IPO7: variants seen among roughly 807,000 people sequenced by gnomAD.
IPO7 encodes the protein importin 7, also known as importin-7.
Under a neutral mutation model 136.4 loss-of-function variants are expected in IPO7, and 13 were observed. That is an observed-to-expected ratio of 0.10 (90% CI 0.06 to 0.15). The LOEUF is 0.15. Among genes scored for constraint, IPO7 ranks in the 10% least tolerant of loss-of-function variants. IPO7 has a pLI of 1.00. For synonymous variants in IPO7, 403 were observed against 404.4 expected (o/e 1.00, Z 0.04); for missense variants, 857 against 1,240.6 (o/e 0.69, Z 4.65).
chr11:9,441,362 T>A (rs1855457619), intron 23 of IPO7, among the ~76,000 whole-genome samples: 1 of 152,212 alleles, frequency 6.6e-6, no homozygotes, highest in Non-Finnish European at 1.5e-5. Flanking sequence ...AGGTATAGCA[T>A]TTGTGTTTTA....
chr11:9,445,019 CTTGT>C lies in IPO7; in HGVS notation c.3020-75_3020-72del, dbSNP rs1855509685. On this transcript the variant is annotated intron_variant, in intron 24 of 24. Coordinates refer to ENST00000379719, the MANE Select transcript of IPO7 (RefSeq NM_006391.3). ...CCACTAATGATGGTTAAGCTACTGG[CTTGT>C]TTAATGTTTTGTCAGTTTCTCACCA... 6 of 893,520 alleles carry C rather than the reference CTTGT, an allele frequency of 6.7e-6. No homozygotes were observed. The Admixed American group carries it at 1.1e-4, about 16-fold the overall frequency. The allele number at this position is 893,520 out of a possible 1,614,324, so 55.3% of individuals were successfully genotyped here.
chr11:9,419,859 A>G lies in IPO7; in HGVS notation c.727-552A>G, dbSNP rs115720337. Among the ~76,000 whole-genome samples, 191 of 152,226 alleles carry G rather than the reference A, an allele frequency of 1.3e-3. 1 individual carries two copies. The highest frequency in any genetic ancestry group is 4.4e-3 in the African/African-American group (183 of 41,554). ...ATATACTGATTTTGATTAAGCTACA[A>G]TTGTCGTGGCCTTGACTATACTATT... On this transcript the variant is annotated intron_variant, in intron 6 of 24. Transcript: ENST00000379719.
Position 9,417,099 on chromosome 11 carries a change from C to G in IPO7, c.677C>G (p.Thr226Arg), listed in dbSNP as rs767802497. Residue 226 changes from threonine (T) to arginine (R), a missense_variant, in exon 6 of 25, where the codon ACA becomes AGA. Thr to Arg is a moderately conservative substitution (Grantham distance 71). Transcript: ENST00000379719. ...GAACTGATAAACCAACAGAACCTGA[C>G]AGAATGGATAGAAATTTTAAAGACT... Reference protein sequence around the residue: ...PLELINQQNLTEWIEILKTVV... With the variant: ...PLELINQQNLREWIEILKTVV... 179 of 1,570,152 alleles carry G rather than the reference C, an allele frequency of 1.1e-4. 1 individual carries two copies. The Admixed American group carries it at 3.0e-3, about 26-fold the overall frequency.
At chr11:9,429,567 C>A in intron 14 of IPO7, 107 bp from the exon 15 acceptor site, 1 of 743,388 alleles carries the variant, frequency 1.3e-6, no homozygotes. Context: ...TGGCATACTT[C>A]CTTTTTATGT....
intron 13 of IPO7, 75 bp downstream of exon 13, chr11:9,428,704 T>A (rs1453119185): frequency 2.3e-6 from 2 of 852,834 alleles, no homozygotes; most frequent in Non-Finnish European, 4.1e-6. Context: ...ATATTGAAAC[T>A]TTTAAATGTT....
rs1325150354 is a variant in IPO7 at position 9,428,578 on chromosome 11, G to A, written c.1374G>A (p.Gln458=). The A allele has an allele frequency of 6.4e-7, 1 of 1,574,458 alleles. No homozygotes were observed. The highest frequency in any genetic ancestry group is 8.7e-7 in the Non-Finnish European group (1 of 1,148,982). Residue 458 remains glutamine (Q), a synonymous_variant, in exon 13 of 25, where the codon CAG becomes CAA. Transcript: ENST00000379719. The part of the protein sequence containing the change: ...IYKDQMEYML[Q]NHVFPLFSSE... ...AAGATCAGATGGAATACATGTTGCA[G>A]AATCATGTATTCCCTCTCTTCAGCA... is the stretch of plus-strand genomic sequence containing the variant.
In IPO7 at chr11:9,437,802, G is replaced by A. The variant is rs1193829202; in HGVS notation, c.2317G>A (p.Val773Ile). The A allele has an allele frequency of 1.9e-6, 3 of 1,614,128 alleles. No individual in the cohort carries two copies. The highest frequency in any genetic ancestry group is 2.2e-5 in the South Asian group (2 of 91,084). ...EAALERLTRE[V>I]KTSELRTMCL... is the part of the protein sequence containing the mutation. ...AGCCTTAGAAAGACTGACAAGAGAG[G>A]TTAAGACAAGTGAACTTCGAACTAT... The change falls in exon 21 of 25, where the codon GTT becomes ATT. Residue 773 changes from valine to isoleucine, a missense_variant. Coordinates refer to ENST00000379719, the MANE Select transcript of IPO7 (RefSeq NM_006391.3).
intron 6 of IPO7, among the ~76,000 whole-genome samples, chr11:9,419,156 C>G (rs967669470): frequency 1.3e-5 from 2 of 152,128 alleles, no homozygotes; most frequent in Non-Finnish European, 2.9e-5. Context: ...TTTTACTTTA[C>G]AAGTAACTTC....
chr11:9,440,093 A>G (rs1445662461), intron 22 of IPO7, among the ~76,000 whole-genome samples: 1 of 152,222 alleles, frequency 6.6e-6, no homozygotes, highest in Non-Finnish European at 1.5e-5. Context: ...AAATTATTAT[A>G]AGGGTTTCAA....
At chr11:9,399,449 C>A (rs1854762515) in intron 1 of IPO7, among the ~76,000 whole-genome samples, 1 of 152,156 alleles carries the variant, frequency 6.6e-6, no homozygotes, top group Non-Finnish European at 1.5e-5. Context: ...GCGTGAGCCA[C>A]CGCGCCCGGC....
At chr11:9,399,216 T>A (rs887632931) in intron 1 of IPO7, among the ~76,000 whole-genome samples, 24 of 149,966 alleles carry the variant, frequency 1.6e-4, no homozygotes, top group Non-Finnish European at 1.8e-4. Context: ...CAGGCTGGAG[T>A]ACAATGGCAC....
chr11:9,401,568 A>G (rs1854797270), intron 1 of IPO7, among the ~76,000 whole-genome samples: 1 of 152,098 alleles, frequency 6.6e-6, no homozygotes, highest in Non-Finnish European at 1.5e-5. Flanking sequence ...AATTAAAAAA[A>G]AAAAAAAAAA....
intron 1 of IPO7, among the ~76,000 whole-genome samples, chr11:9,397,341 A>AAAAAAAAAAAAAAAAAAATAGATAT: frequency 9.3e-5 from 1 of 10,762 alleles, no homozygotes; most frequent in Non-Finnish European, 1.8e-4. Context: ...TTTAAAAAAA[A>AAAAAAAAAAAAAAAAAAATAGATAT]ATATATATAT....
chr11:9,432,052 T>C (rs79603331), intron 16 of IPO7, among the ~76,000 whole-genome samples: 7,280 of 152,182 alleles, frequency 0.048, 242 homozygotes, highest in South Asian at 0.077. Context: ...TCCTAACCCC[T>C]TTTCCCTACT....
chr11:9,419,018 G>A (rs1855084484), intron 6 of IPO7, among the ~76,000 whole-genome samples: 1 of 152,080 alleles, frequency 6.6e-6, no homozygotes, highest in Admixed American at 6.6e-5. Context: ...GGACATCTGG[G>A]TAGTTTTACT....
At chr11:9,444,269 C>T in intron 24 of IPO7, among the ~76,000 whole-genome samples, 1 of 134,126 alleles carries the variant, frequency 7.5e-6, no homozygotes, top group Non-Finnish European at 1.6e-5. Context: ...CAGAGTGAAA[C>T]TCTGTCTCTA....
At chr11:9,390,024 G>C (rs1381836943) in intron 1 of IPO7, among the ~76,000 whole-genome samples, 1 of 152,092 alleles carries the variant, frequency 6.6e-6, no homozygotes, top group East Asian at 1.9e-4. Flanking sequence ...CCAAAGTCTT[G>C]GGATTACAGG....
chr11:9,397,341 A>AAAAAAAAAAT lies in IPO7; in HGVS notation c.85-5948_85-5947insAAAAAAAATA. ...CTTTACTAAAAATAATTTAAAAAAA[A>AAAAAAAAAAT]ATATATATATATATATATATATATT... On this transcript the variant is annotated intron_variant, in intron 1 of 24. Transcript: ENST00000379719. Among the ~76,000 whole-genome samples the AAAAAAAAAAT allele has an allele frequency of 8.4e-4, 9 of 10,762 alleles. 1 individual carries two copies. The highest frequency in any genetic ancestry group is 2.1e-3 in the Admixed American group (1 of 478). 7.1% of individuals were successfully genotyped at this position (10,762 alleles called of 152,430 possible).
chr11:9,445,880 G>A lies in IPO7; in HGVS notation c.*686G>A, dbSNP rs887206965. On this transcript the variant is annotated 3_prime_UTR_variant, in exon 25 of 25. Coordinates refer to ENST00000379719, the MANE Select transcript of IPO7 (RefSeq NM_006391.3). ...TGTTTATAAAAAGATGTAATGGGGT[G>A]GGGGGCAGGGGTAATTTCAAGTTAT... is the stretch of plus-strand genomic sequence containing the variant. The A allele has an allele frequency of 6.6e-6, 1 of 151,952 alleles. No individual in the cohort carries two copies. Among genetic ancestry groups the A allele is most frequent in the South Asian group, 2.1e-4 (1 of 4,814 alleles). 9.4% of individuals were successfully genotyped at this position (151,952 alleles called of 1,614,324 possible). A position where few individuals can be genotyped will look rare whatever the true frequency, so the allele number is the denominator to read the frequency against.
Sources: gnomAD v4.1 joint callset for allele counts (sites outside exome capture counted in the v4.1 genomes callset) on GRCh38, gnomAD v4.1.1 for gene constraint, MANE v1.5 for transcripts, NCBI Gene and HGNC (gene_info 2026-07-23, HGNC 2026-07-21) for gene names.